NR1H4: variants seen among roughly 807,000 people sequenced by gnomAD.
NR1H4 encodes nuclear receptor subfamily 1 group H member 4.
In NR1H4, 23 loss-of-function variants were observed where a neutral mutation model predicts 58.5. The observed-to-expected ratio is 0.39, with a 90% CI of 0.28 to 0.56. NR1H4 has a LOEUF of 0.56. NR1H4 is among the 20% of genes least tolerant of loss of function. The pLI is 0.58. For missense variants in NR1H4, 487 were observed against 576.9 expected (o/e 0.84, Z 1.60); for synonymous variants, 214 against 198.0 (o/e 1.08, Z -0.68).
rs1253847458 is a variant in NR1H4, at chr12:100,528,409, T to C, written c.446-4049T>C. 2.0e-5 allele frequency among the ~76,000 whole-genome samples: 3 copies of C among 151,984 alleles called. No homozygotes were observed. The East Asian group carries it at 5.8e-4, about 29-fold the overall frequency. ...AGAGGCAGAAAAGCAGTGTGCAATATTCTGCAGAATCGAGGAATCCATGTA... is the reference window on the plus strand; with the variant it reads ...AGAGGCAGAAAAGCAGTGTGCAATACTCTGCAGAATCGAGGAATCCATGTA... On this transcript the variant is annotated intron_variant, in intron 4 of 10. Transcript: ENST00000392986.
chr12:100,532,193 A>G (rs540337725), intron 4 of NR1H4, among the ~76,000 whole-genome samples: 1 of 152,280 alleles, frequency 6.6e-6, no homozygotes, highest in South Asian at 2.1e-4. Flanking sequence ...TATGAAAGTA[A>G]TTTGTCTTAG....
intron 10 of NR1H4, among the ~76,000 whole-genome samples, chr12:100,562,275 C>T (rs1394081533): frequency 6.6e-6 from 1 of 152,084 alleles, no homozygotes; most frequent in Non-Finnish European, 1.5e-5. Flanking sequence ...GACACAGCTC[C>T]CATGCAGCTT....
chr12:100,508,835 G>T (rs1356809502), intron 3 of NR1H4, among the ~76,000 whole-genome samples: 2 of 152,132 alleles, frequency 1.3e-5, no homozygotes, highest in Non-Finnish European at 2.9e-5. Flanking sequence ...TAAAAGTTTG[G>T]CACACACTTT....
chr12:100,546,715 A>C, intron 9 of NR1H4, among the ~76,000 whole-genome samples: 1 of 151,810 alleles, frequency 6.6e-6, no homozygotes, highest in East Asian at 1.9e-4. Context: ...CAAACAAACA[A>C]ACAAACAAAA....
At chr12:100,476,393 G>A (rs1186033032) in intron 1 of NR1H4, among the ~76,000 whole-genome samples, 1 of 152,166 alleles carries the variant, frequency 6.6e-6, no homozygotes, top group Non-Finnish European at 1.5e-5. Flanking sequence ...AGCACTATTT[G>A]TTTTAACCCA....
Position 100,536,486 on chromosome 12 carries a change from C to T in NR1H4, c.733-26C>T, listed in dbSNP as rs79934001. The T allele has an allele frequency of 0.017, 23,215 of 1,361,292 alleles. 2,512 individuals carry two copies. In the African/African-American group the frequency reaches 0.26, roughly 15 times the overall value. The allele number at this position is 1,361,292 out of a possible 1,614,324, so 84.3% of individuals were successfully genotyped here. A position where few individuals can be genotyped will look rare whatever the true frequency, so the allele number is the denominator to read the frequency against. ...AAGGCTTTATACACATCTTCCCTAA[C>T]ACCTTTTATTTTCTTGCCAGTGTAG... On this transcript the variant is annotated intron_variant, in intron 6 of 10. Transcript: ENST00000392986.
At chr12:100,551,075 G>A (rs1011494654) in intron 9 of NR1H4, among the ~76,000 whole-genome samples, 4 of 152,186 alleles carry the variant, frequency 2.6e-5, no homozygotes, top group African/African-American at 2.4e-5. Context: ...TCTATATGTG[G>A]CATCTGTCAC....
At chr12:100,561,603 G>A (rs1955476074) in intron 9 of NR1H4, among the ~76,000 whole-genome samples, 1 of 152,118 alleles carries the variant, frequency 6.6e-6, no homozygotes, top group Non-Finnish European at 1.5e-5. Flanking sequence ...GGCAATTCAA[G>A]AGCATTATCA....
intron 4 of NR1H4, among the ~76,000 whole-genome samples, chr12:100,516,341 C>A (rs1163405689): frequency 1.3e-5 from 2 of 152,038 alleles, no homozygotes; most frequent in East Asian, 1.9e-4. Flanking sequence ...TACTTTTGAA[C>A]CTACAAATTT....
At chr12:100,485,996 C>A (rs180964783) in intron 1 of NR1H4, among the ~76,000 whole-genome samples, 80 of 152,166 alleles carry the variant, frequency 5.3e-4, no homozygotes, top group African/African-American at 1.9e-3. Context: ...ATGTGGTGAA[C>A]TTTTTTTGTA....
chr12:100,500,097 A>G (rs1388863051), intron 3 of NR1H4: 1 of 360,752 alleles, frequency 2.8e-6, no homozygotes, highest in Non-Finnish European at 5.5e-6. Flanking sequence ...TCTGCTAAAC[A>G]TTCCATAATT....
chr12:100,525,647 C>T (rs527437078), intron 4 of NR1H4, among the ~76,000 whole-genome samples: 1 of 152,278 alleles, frequency 6.6e-6, no homozygotes, highest in Non-Finnish European at 1.5e-5. Context: ...ATGCTGGCCT[C>T]ATAAAATAAG....
chr12:100,481,649 C>T (rs1277026196), intron 1 of NR1H4, among the ~76,000 whole-genome samples: 1 of 151,990 alleles, frequency 6.6e-6, no homozygotes, highest in Non-Finnish European at 1.5e-5. Context: ...GGCACGGTGG[C>T]TCATGCCTGA....
intron 1 of NR1H4, among the ~76,000 whole-genome samples, chr12:100,489,155 G>A (rs1052910716): frequency 6.6e-6 from 1 of 152,198 alleles, no homozygotes; most frequent in African/African-American, 2.4e-5. Context: ...GCTAATCCCA[G>A]TAAGAAGCTG....
At position 100,515,480 on chromosome 12, in the gene NR1H4, T is replaced by C. The variant is rs199616992; in HGVS notation, c.445+4337T>C. Among the ~76,000 whole-genome samples the C allele has an allele frequency of 1.8e-4, 27 of 152,236 alleles. No homozygotes were observed. In the East Asian group the frequency reaches 4.8e-3, roughly 27 times the overall value. On this transcript the variant is annotated intron_variant, in intron 4 of 10. Transcript: ENST00000392986. ...AGCCACTGTGCCTGGCCTGTCATAG[T>C]TCTTGACAAACAAGTCATATTTCTT...
At chr12:100,551,728 G>A (rs2136291759) in intron 9 of NR1H4, among the ~76,000 whole-genome samples, 1 of 152,256 alleles carries the variant, frequency 6.6e-6, no homozygotes, top group Admixed American at 6.5e-5. Context: ...TAGATATTAT[G>A]TATTTATTTA....
chr12:100,533,365 A>G (rs1381854077), intron 5 of NR1H4, among the ~76,000 whole-genome samples: 1 of 152,230 alleles, frequency 6.6e-6, no homozygotes, highest in Non-Finnish European at 1.5e-5. Flanking sequence ...TCAGGCAGGG[A>G]ATGCCAAATG....
chr12:100,520,528 A>C (rs1319917079), intron 4 of NR1H4, among the ~76,000 whole-genome samples: 1 of 152,072 alleles, frequency 6.6e-6, no homozygotes, highest in Non-Finnish European at 1.5e-5. Context: ...GGAAGACACC[A>C]CCTCAGCTGC....
At chr12:100,520,329 T>C (rs1271658600) in intron 4 of NR1H4, among the ~76,000 whole-genome samples, 1 of 152,024 alleles carries the variant, frequency 6.6e-6, no homozygotes, top group Non-Finnish European at 1.5e-5. Context: ...TTCAGCAAAA[T>C]AAAACAGAAA....
Sources: allele counts gnomAD v4.1 joint callset (sites outside exome capture counted in the v4.1 genomes callset), GRCh38; gene constraint gnomAD v4.1.1; transcripts MANE v1.5; gene names NCBI Gene and HGNC (gene_info 2026-07-23, HGNC 2026-07-21).